Variants in MRC1 observed in about 807,000 individuals in gnomAD.
The protein encoded by MRC1 is macrophage mannose receptor 1.
Under a neutral mutation model 102.9 loss-of-function variants are expected in MRC1, and 62 were observed. The observed-to-expected ratio is 0.60, with a 90% CI of 0.49 to 0.74. The LOEUF is 0.74. Ranked by LOEUF, MRC1 falls within the 30% of genes least tolerant of loss-of-function variation. The pLI is 0.00. For synonymous variants in MRC1, 457 were observed against 298.4 expected (o/e 1.53, Z -5.48); for missense variants, 1,237 against 862.8 (o/e 1.43, Z -5.43).
chr10:17,898,740 C>T (rs1211880439), intron 24 of MRC1, among the ~76,000 whole-genome samples: 2 of 152,168 alleles, frequency 1.3e-5, no homozygotes, highest in African/African-American at 2.4e-5. Flanking sequence ...TCATTGCAGT[C>T]AGTTCCTTGT....
intron 1 of MRC1, among the ~76,000 whole-genome samples, chr10:17,820,080 C>T (rs1472402173): frequency 2.6e-5 from 4 of 152,184 alleles, no homozygotes; most frequent in African/African-American, 4.8e-5. Flanking sequence ...GGCCCACCCA[C>T]GCTGAGGAGG....
intron 5 of MRC1, among the ~76,000 whole-genome samples, chr10:17,841,908 C>T (rs1838758276): frequency 6.6e-6 from 1 of 152,132 alleles, no homozygotes; most frequent in Non-Finnish European, 1.5e-5. Flanking sequence ...CTTTTAAAGC[C>T]ATTGAGTGGT....
chr10:17,827,403 A>AGTGT, intron 2 of MRC1, 139 bp from the exon 3 acceptor site: 1 of 295,536 alleles, frequency 3.4e-6, no homozygotes, highest in Non-Finnish European at 6.5e-6. Flanking sequence ...AAAAAAAAAA[A>AGTGT]AAAAAAAGAA....
At position 17,856,246 on chromosome 10, in the gene MRC1, G is replaced by C; in HGVS notation, c.1412G>C (p.Gly471Ala). Residue 471 changes from glycine to alanine, a missense_variant, in exon 9 of 30, where the codon GGG (glycine) becomes GCG (alanine). Transcript: ENST00000569591. ...EDCVVMKGKD[G>A]YWADRGCEWP... ...CTCTCTCTCTGCTCCCTGCAGGATG[G>C]GTACTGGGCAGATCGGGGCTGTGAG... is the stretch of plus-strand genomic sequence containing the variant. 3 of 864,406 alleles carry C rather than the reference G, an allele frequency of 3.5e-6. No individual in the cohort carries two copies. The highest frequency in any genetic ancestry group is 6.0e-6 in the Non-Finnish European group (3 of 497,944). The allele number at this position is 864,406 out of a possible 1,614,324, so 53.5% of individuals were successfully genotyped here. A position where few individuals can be genotyped will look rare whatever the true frequency, so the allele number is the denominator to read the frequency against.
chr10:17,867,012 C>T (rs1049951151), intron 12 of MRC1, among the ~76,000 whole-genome samples: 3 of 151,902 alleles, frequency 2.0e-5, no homozygotes, highest in South Asian at 2.1e-4. Context: ...CCTGCTCTGC[C>T]GCTATCACCT....
At chr10:17,897,264 G>A (rs1231318108) in intron 23 of MRC1, among the ~76,000 whole-genome samples, 1 of 152,150 alleles carries the variant, frequency 6.6e-6, no homozygotes, top group Non-Finnish European at 1.5e-5. Flanking sequence ...ACAGAAACAA[G>A]CTCTTTTGGG....
chr10:17,849,406 T>A (rs1219036068), intron 6 of MRC1, among the ~76,000 whole-genome samples, 173 bp from the exon 7 acceptor site: 1 of 152,160 alleles, frequency 6.6e-6, no homozygotes, highest in African/African-American at 2.4e-5. Context: ...AAATAGTATA[T>A]GCCTTGTCTA....
intron 28 of MRC1, among the ~76,000 whole-genome samples, chr10:17,908,119 A>G (rs1833920906): frequency 6.6e-6 from 1 of 152,226 alleles, no homozygotes; most frequent in Admixed American, 6.5e-5. Context: ...TCTCCTTTTA[A>G]GATGGAAAGT....
chr10:17,841,922 C>T (rs1252408384), intron 5 of MRC1, among the ~76,000 whole-genome samples: 4 of 152,042 alleles, frequency 2.6e-5, no homozygotes, highest in South Asian at 2.1e-4. Flanking sequence ...GAGTGGTTTT[C>T]GCATTTGGCT....
intron 22 of MRC1, among the ~76,000 whole-genome samples, chr10:17,890,287 G>A (rs1047255809): frequency 0.037 from 5,556 of 152,140 alleles, 155 homozygotes; most frequent in Non-Finnish European, 0.057. Flanking sequence ...TGAGTGTGAT[G>A]TGTTTAGATG....
chr10:17,824,487 A>G (rs1838444420), intron 2 of MRC1, among the ~76,000 whole-genome samples: 1 of 152,220 alleles, frequency 6.6e-6, no homozygotes, highest in Admixed American at 6.5e-5. Flanking sequence ...TAAGGCAATA[A>G]TTTGTGAGCT....
At chr10:17,863,785 G>T (rs1833221349) in intron 11 of MRC1, 103 bp downstream of exon 11, 1 of 681,344 alleles carries the variant, frequency 1.5e-6, no homozygotes, top group Non-Finnish European at 2.7e-6. Flanking sequence ...AGGTAAATTA[G>T]TCATGCTTTT....
chr10:17,894,897 G>C (rs1042175098), intron 23 of MRC1, among the ~76,000 whole-genome samples: 2 of 152,084 alleles, frequency 1.3e-5, no homozygotes, highest in African/African-American at 4.8e-5. Flanking sequence ...TCATGGTTGG[G>C]CACTGTGGCT....
chr10:17,845,547 A>T (rs1244703588), intron 6 of MRC1, 112 bp downstream of exon 6: 5 of 747,164 alleles, frequency 6.7e-6, no homozygotes, highest in Non-Finnish European at 9.9e-6. Flanking sequence ...TGGATAGTTG[A>T]TGGGGTAAAC....
chr10:17,902,183 C>T (rs1833838008), intron 26 of MRC1, 61 bp downstream of exon 26: 1 of 727,870 alleles, frequency 1.4e-6, no homozygotes, highest in African/African-American at 1.8e-5. Context: ...TCCACTGACA[C>T]TATACATGAA....
chr10:17,892,199 A>C (rs935564752), intron 22 of MRC1, among the ~76,000 whole-genome samples: 1 of 152,080 alleles, frequency 6.6e-6, no homozygotes, highest in South Asian at 2.1e-4. Flanking sequence ...GCAAGAGGAA[A>C]TTTTTCTCCA....
chr10:17,833,029 A>T (rs1215383941), intron 3 of MRC1, among the ~76,000 whole-genome samples: 1 of 36,860 alleles, frequency 2.7e-5, no homozygotes, highest in African/African-American at 1.0e-4. Context: ...CCACCCTCCC[A>T]CCTTTTGTAG....
intron 11 of MRC1, among the ~76,000 whole-genome samples, chr10:17,864,992 C>T (rs1833243336): frequency 1.3e-5 from 2 of 152,140 alleles, no homozygotes. Flanking sequence ...GATTTACCCT[C>T]CCTAGTAAGA....
chr10:17,906,993 G>A lies in MRC1; in HGVS notation c.3907G>A (p.Val1303Ile), dbSNP rs1167515744. The A allele has an allele frequency of 1.9e-5, 15 of 782,430 alleles. No homozygotes were observed. Among genetic ancestry groups the A allele is most frequent in the Non-Finnish European group, 3.1e-5 (13 of 419,626 alleles). 48.5% of individuals were successfully genotyped at this position (782,430 alleles called of 1,614,324 possible). The change falls in exon 27 of 30, where the codon GTT becomes ATT. Residue 1303 changes from valine (V) to isoleucine (I), a missense_variant. Coordinates refer to ENST00000569591, the MANE Select transcript of MRC1 (RefSeq NM_002438.4). ...TNFWIGLFRNVEGTWLWINNS... is the reference protein window; with the variant it reads ...TNFWIGLFRNIEGTWLWINNS... Reference sequence around the variant, plus strand: ...TTTTTGGATAGGATTGTTCAGAAATGTTGAAGGTAATTTTTGCAGCATGCT... The same window carrying A: ...TTTTTGGATAGGATTGTTCAGAAATATTGAAGGTAATTTTTGCAGCATGCT...
Sources: gnomAD v4.1 joint callset for allele counts (sites outside exome capture counted in the v4.1 genomes callset) on GRCh38, gnomAD v4.1.1 for gene constraint, MANE v1.5 for transcripts, NCBI Gene and HGNC (gene_info 2026-07-23, HGNC 2026-07-21) for gene names.